TYW1B: variants seen among roughly 807,000 people sequenced by gnomAD.
TYW1B encodes S-adenosyl-L-methionine-dependent tRNA 4-demethylwyosine synthase TYW1B.
Under a neutral mutation model 86.9 loss-of-function variants are expected in TYW1B, and 73 were observed. The ratio of observed to expected loss-of-function variants is 0.84; its 90% CI spans 0.70 to 1.02. TYW1B has a LOEUF of 1.02. TYW1B is among the 50% of genes least tolerant of loss of function. TYW1B has a pLI of 0.00. For missense variants in TYW1B, 637 were observed against 827.4 expected (o/e 0.77, Z 2.82); for synonymous variants, 248 against 292.8 (o/e 0.85, Z 1.56).
intron 13 of TYW1B, among the ~76,000 whole-genome samples, chr7:72,576,509 C>CA (rs1811024465): frequency 8.3e-6 from 1 of 120,088 alleles, no homozygotes; most frequent in South Asian, 2.8e-4. Flanking sequence ...ATGCCACTGT[C>CA]TTTTTTTTTT....
chr7:72,585,286 A>G (rs1265591395), intron 13 of TYW1B, among the ~76,000 whole-genome samples: 7 of 152,222 alleles, frequency 4.6e-5, no homozygotes, highest in Non-Finnish European at 1.0e-4. Flanking sequence ...AGTTCTAATC[A>G]TACAAAGGTC....
chr7:72,770,577 T>G (rs1554469363), intron 7 of TYW1B, among the ~76,000 whole-genome samples: 2 of 152,120 alleles, frequency 1.3e-5, no homozygotes. Context: ...TGAGCAAGTA[T>G]AAAGTAGTAC....
chr7:72,823,839 G>A (rs188609833), intron 2 of TYW1B, among the ~76,000 whole-genome samples: 1 of 151,974 alleles, frequency 6.6e-6, no homozygotes, highest in East Asian at 1.9e-4. Flanking sequence ...CACAGCATAA[G>A]CATCAGAGGA....
At chr7:72,771,645 A>G (rs1483643494) in intron 7 of TYW1B, among the ~76,000 whole-genome samples, 7 of 152,144 alleles carry the variant, frequency 4.6e-5, no homozygotes, top group Non-Finnish European at 7.4e-5. Flanking sequence ...TGAGTGGAAA[A>G]GCAGGGAACA....
rs191144447 is a variant in TYW1B at position 72,788,684 on chromosome 7, C to T, written c.847-11151G>A. Among the ~76,000 whole-genome samples the T allele has an allele frequency of 1.3e-3, 195 of 152,156 alleles. 1 individual carries two copies. The East Asian group carries it at 0.014, about 11-fold the overall frequency. The stretch of plus-strand genomic sequence containing the variant: ...AGTGGCTGGGACTACAGGCATGCGC[C>T]ACCATACCCGGCTAATTTTTGTATT... On this transcript the variant is annotated intron_variant, in intron 6 of 13. Transcript: ENST00000620995.
chr7:72,721,059 C>T (rs1244627994), intron 9 of TYW1B, among the ~76,000 whole-genome samples: 1 of 152,074 alleles, frequency 6.6e-6, no homozygotes, highest in South Asian at 2.1e-4. Flanking sequence ...TCATCCATGT[C>T]CCTTAAAAAA....
At chr7:72,655,982 C>T (rs1813192543) in intron 11 of TYW1B, among the ~76,000 whole-genome samples, 1 of 152,196 alleles carries the variant, frequency 6.6e-6, no homozygotes, top group South Asian at 2.1e-4. Context: ...CCATGACTGC[C>T]ACCACTATTG....
intron 9 of TYW1B, among the ~76,000 whole-genome samples, chr7:72,725,785 G>A (rs1186266914): frequency 6.6e-6 from 1 of 152,098 alleles, no homozygotes; most frequent in African/African-American, 2.4e-5. Flanking sequence ...CAACTCAAGA[G>A]ATGTTGAACT....
chr7:72,809,699 T>C (rs1345328813), intron 4 of TYW1B, among the ~76,000 whole-genome samples: 3 of 152,042 alleles, frequency 2.0e-5, no homozygotes, highest in Admixed American at 6.6e-5. Context: ...AGAGTTCACC[T>C]GCATAAAGAG....
chr7:72,785,551 C>A (rs1585982034), intron 6 of TYW1B, among the ~76,000 whole-genome samples: 2 of 151,726 alleles, frequency 1.3e-5, no homozygotes, highest in Non-Finnish European at 2.9e-5. Flanking sequence ...AAGGCAGATA[C>A]CGTTATCTCT....
chr7:72,593,690 C>T (rs1418156399), intron 13 of TYW1B, among the ~76,000 whole-genome samples: 2 of 151,510 alleles, frequency 1.3e-5, no homozygotes, highest in Non-Finnish European at 2.9e-5. Context: ...GGCATGGTGG[C>T]GGGCGCCTGT....
intron 2 of TYW1B, among the ~76,000 whole-genome samples, chr7:72,816,430 T>C (rs1382314885): frequency 6.6e-6 from 1 of 151,838 alleles, no homozygotes; most frequent in Non-Finnish European, 1.5e-5. Flanking sequence ...ATGGGAAACA[T>C]GAAAAGAAGA....
chr7:72,699,301 G>A (rs1175098535), intron 10 of TYW1B, among the ~76,000 whole-genome samples: 1 of 152,156 alleles, frequency 6.6e-6, no homozygotes, highest in Non-Finnish European at 1.5e-5. Context: ...TCCCCCCATG[G>A]CTCTAACATG....
chr7:72,648,049 G>A (rs1394812297), intron 11 of TYW1B, among the ~76,000 whole-genome samples: 4 of 151,860 alleles, frequency 2.6e-5, no homozygotes, highest in African/African-American at 9.7e-5. Flanking sequence ...ACTTATACAT[G>A]CAGCATGGCA....
intron 11 of TYW1B, among the ~76,000 whole-genome samples, chr7:72,668,479 T>C (rs1341959837): frequency 2.0e-5 from 3 of 152,094 alleles, no homozygotes; most frequent in Non-Finnish European, 4.4e-5. Flanking sequence ...ATTTTTGGAG[T>C]AGTGTAGATT....
chr7:72,651,226 T>C (rs1332320165), intron 11 of TYW1B, among the ~76,000 whole-genome samples: 3 of 152,170 alleles, frequency 2.0e-5, no homozygotes, highest in Non-Finnish European at 4.4e-5. Flanking sequence ...TTACAAATCA[T>C]GGAAGTACAG....
chr7:72,622,639 A>T (rs1251767136), intron 12 of TYW1B, among the ~76,000 whole-genome samples: 1 of 151,938 alleles, frequency 6.6e-6, no homozygotes, highest in Non-Finnish European at 1.5e-5. Context: ...AAACACACAC[A>T]CATACAGACA....
intron 13 of TYW1B, among the ~76,000 whole-genome samples, chr7:72,597,587 C>G (rs55948204): frequency 0.39 from 57,736 of 148,890 alleles, 7,973 homozygotes; most frequent in African/African-American, 0.55. Flanking sequence ...CTGAACGCAC[C>G]CGATCTCGGC....
chr7:72,586,286 T>G (rs1469528295), intron 13 of TYW1B, among the ~76,000 whole-genome samples: 1 of 152,290 alleles, frequency 6.6e-6, no homozygotes, highest in African/African-American at 2.4e-5. Flanking sequence ...GAAATGCACC[T>G]GAGTCTTGGT....
Sources: allele counts gnomAD v4.1 joint callset (sites outside exome capture counted in the v4.1 genomes callset), GRCh38; gene constraint gnomAD v4.1.1; transcripts MANE v1.5; gene names NCBI Gene and HGNC (gene_info 2026-07-23, HGNC 2026-07-21).